CPAMD8: variants seen among roughly 807,000 people sequenced by gnomAD.
The protein encoded by CPAMD8 is C3 and PZP-like alpha-2-macroglobulin domain-containing protein 8.
A neutral mutation model predicts 224.7 loss-of-function variants in CPAMD8; 146 were observed. The ratio of observed to expected loss-of-function variants is 0.65; its 90% CI spans 0.57 to 0.75. The LOEUF (loss-of-function observed/expected upper bound fraction) is 0.75, where lower values mean the gene tolerates loss of function less well. Among genes scored for constraint, CPAMD8 ranks in the 30% least tolerant of loss-of-function variants. The pLI is 0.00. For missense variants in CPAMD8, 2,301 were observed against 2,537.5 expected (o/e 0.91, Z 2.00); for synonymous variants, 966 against 1,044.6 (o/e 0.92, Z 1.45).
intron 19 of CPAMD8, among the ~76,000 whole-genome samples, chr19:16,954,194 G>T (rs1010773519): frequency 1.3e-5 from 2 of 152,050 alleles, no homozygotes; most frequent in African/African-American, 4.8e-5. Flanking sequence ...TTAGCCAGGT[G>T]TGGTGGTGCG....
In CPAMD8 at chr19:16,958,451, T is replaced by C. The variant is rs1348121138; in HGVS notation, c.2214-536A>G. Reference sequence around the variant, plus strand: ...CCATGTTTCCACAAAAGACATGATTTTGTTCTTTTTTATGGCTGCATAGTA... The same window carrying C: ...CCATGTTTCCACAAAAGACATGATTCTGTTCTTTTTTATGGCTGCATAGTA... On this transcript the variant is annotated intron_variant, in intron 18 of 41. Transcript: ENST00000443236. Among the ~76,000 whole-genome samples the C allele has an allele frequency of 2.0e-5, 3 of 152,224 alleles. No individual in the cohort carries two copies. The East Asian group carries it at 5.8e-4, about 29-fold the overall frequency.
intron 23 of CPAMD8, among the ~76,000 whole-genome samples, chr19:16,935,553 T>G (rs1258820778): frequency 1.3e-5 from 2 of 152,240 alleles, no homozygotes; most frequent in Admixed American, 1.3e-4. Context: ...CATTCAAGAT[T>G]CATCCAAGTT....
chr19:16,937,650 CTTT>C (rs550702792), intron 23 of CPAMD8, among the ~76,000 whole-genome samples: 1,550 of 116,764 alleles, frequency 0.013, 31 homozygotes, highest in African/African-American at 0.048. Flanking sequence ...TAACTTCATA[CTTT>C]TTTTTTTTTT....
rs150881765 is a variant in CPAMD8, at chr19:16,982,049, A to G, written c.1396-1363T>C. On this transcript the variant is annotated intron_variant, in intron 13 of 41. Transcript: ENST00000443236. ...GGTGGGTGGATCACTTGAGCCCAGA[A>G]GCTTGAGACCAGCCTGGGCAACAAA... Among the ~76,000 whole-genome samples the G allele has an allele frequency of 6.5e-3, 990 of 152,290 alleles. 12 individuals are homozygous for G. The highest frequency in any genetic ancestry group is 0.022 in the African/African-American group (916 of 41,548).
rs530124222 is a variant in CPAMD8, at chr19:16,896,495, C to A, written c.5236G>T (p.Ala1746Ser). Residue 1746 changes from alanine (A) to serine (S), a missense_variant, in exon 40 of 42, where the codon GCG (alanine) becomes TCG (serine). Coordinates refer to ENST00000443236, the MANE Select transcript of CPAMD8 (RefSeq NM_015692.5). The stretch of plus-strand genomic sequence containing the variant: ...CTGGGAGGCGCGGGCTCCAGGGGCG[C>A]GGCCTGGCGGCAGGCGGCCTCCCGC... ...RLREAACRQA[A>S]PLEPAPPSCC... 6.3e-6 allele frequency: 9 copies of A among 1,427,608 alleles called. No homozygotes were observed. In the East Asian group the frequency reaches 2.1e-4, roughly 34 times the overall value. The allele number at this position is 1,427,608 out of a possible 1,614,324, so 88.4% of individuals were successfully genotyped here.
intron 30 of CPAMD8, among the ~76,000 whole-genome samples, chr19:16,905,358 T>A (rs1599665197): frequency 6.6e-6 from 1 of 151,360 alleles, no homozygotes; most frequent in Non-Finnish European, 1.5e-5. Context: ...GGCAGGCGGA[T>A]CACCTGAGGT....
At chr19:16,940,004 C>T (rs571118353) in intron 22 of CPAMD8, among the ~76,000 whole-genome samples, 2 of 152,156 alleles carry the variant, frequency 1.3e-5, no homozygotes, top group African/African-American at 4.8e-5. Context: ...CCTCCGCCTC[C>T]TGAGTTCAAA....
At chr19:16,921,657 G>T (rs2053178619) in intron 27 of CPAMD8, among the ~76,000 whole-genome samples, 1 of 149,464 alleles carries the variant, frequency 6.7e-6, no homozygotes, top group Admixed American at 6.7e-5. Flanking sequence ...AGAGAGCAGG[G>T]CATGGAGTCT....
chr19:16,974,900 A>G (rs764658936), intron 17 of CPAMD8, among the ~76,000 whole-genome samples, 197 bp downstream of exon 17: 1 of 152,072 alleles, frequency 6.6e-6, no homozygotes, highest in Non-Finnish European at 1.5e-5. Flanking sequence ...ACTTGAGCAC[A>G]GGTGTTTGAG....
At chr19:16,972,675 C>T (rs1318507798) in intron 17 of CPAMD8, among the ~76,000 whole-genome samples, 1 of 152,072 alleles carries the variant, frequency 6.6e-6, no homozygotes, top group Non-Finnish European at 1.5e-5. Context: ...ACCTCGTGAT[C>T]CGCCCGTCTC....
intron 29 of CPAMD8, among the ~76,000 whole-genome samples, chr19:16,910,173 C>CT (rs758504427): frequency 0.012 from 1,762 of 142,656 alleles, 12 homozygotes; most frequent in Non-Finnish European, 0.019. Context: ...GAACCTTTAA[C>CT]TTTTTTTTTT....
intron 29 of CPAMD8, among the ~76,000 whole-genome samples, chr19:16,910,255 C>T (rs1321399463): frequency 4.0e-5 from 6 of 151,172 alleles, no homozygotes; most frequent in Admixed American, 2.0e-4. Context: ...CCGCAATCTC[C>T]GCCTCCCAGG....
At chr19:16,958,126 T>C (rs1731687713) in intron 18 of CPAMD8, among the ~76,000 whole-genome samples, 1 of 152,248 alleles carries the variant, frequency 6.6e-6, no homozygotes. Flanking sequence ...ACTTGTTTTT[T>C]TAAAAACTTT....
At chr19:17,006,702 T>C (rs1010999702) in intron 7 of CPAMD8, among the ~76,000 whole-genome samples, 2 of 152,058 alleles carry the variant, frequency 1.3e-5, no homozygotes, top group Non-Finnish European at 2.9e-5. Context: ...GCCTGGGAGA[T>C]GCTTCCTGGC....
intron 10 of CPAMD8, chr19:17,000,211 T>C (rs1358769768): frequency 4.5e-6 from 2 of 443,992 alleles, no homozygotes; most frequent in Non-Finnish European, 8.0e-6. Flanking sequence ...CCCAGCACTT[T>C]TGGGGGCAAA....
chr19:16,975,210 A>G lies in CPAMD8; in HGVS notation c.1957T>C (p.Ser653Pro). ...CACCAAAAAGGACCATCCTCCCTGG[A>G]CACGCCAAAGGAATCAGAAACATCA... ...DYDVSDSFGV[S>P]REDGPFWWAG... Residue 653 changes from serine to proline, a missense_variant, in exon 17 of 42, where the codon TCC (serine) becomes CCC (proline). Coordinates refer to ENST00000443236, the MANE Select transcript of CPAMD8 (RefSeq NM_015692.5). The G allele has an allele frequency of 6.2e-7, 1 of 1,610,626 alleles. No homozygotes were observed. The highest frequency in any genetic ancestry group is 8.5e-7 in the Non-Finnish European group (1 of 1,178,436).
At chr19:16,944,971 C>T (rs1047201553) in intron 22 of CPAMD8, among the ~76,000 whole-genome samples, 2 of 152,198 alleles carry the variant, frequency 1.3e-5, no homozygotes, top group Middle Eastern at 3.2e-3. Flanking sequence ...ATGGTGGCTG[C>T]TGCATGCTCA....
intron 25 of CPAMD8, among the ~76,000 whole-genome samples, chr19:16,925,758 A>ATT (rs35402590): frequency 5.6e-4 from 82 of 145,470 alleles, no homozygotes; most frequent in African/African-American, 1.8e-3. Flanking sequence ...TTTCTAAAAT[A>ATT]TTTTTTTTTT....
Position 17,009,263 on chromosome 19 carries a change from G to T in CPAMD8, c.504+40C>A, listed in dbSNP as rs372587252. 4.7e-5 allele frequency: 76 copies of T among 1,613,886 alleles called. No homozygotes were observed. The African/African-American group carries it at 9.1e-4, about 19-fold the overall frequency. On this transcript the variant is annotated intron_variant, in intron 6 of 41. Transcript: ENST00000443236. ...GATCTTGCAGAAGGTGGGCTACCCG[G>T]GCCCCAAGTCCAAGCCGAGGAAGGA...
Sources: gnomAD v4.1 joint callset for allele counts (sites outside exome capture counted in the v4.1 genomes callset) on GRCh38, gnomAD v4.1.1 for gene constraint, MANE v1.5 for transcripts, NCBI Gene and HGNC (gene_info 2026-07-23, HGNC 2026-07-21) for gene names.